Variants in TAFA1 observed in about 807,000 individuals in gnomAD.
TAFA1 encodes the protein TAFA chemokine like family member 1, also known as chemokine-like protein TAFA-1.
A neutral mutation model predicts 18.5 loss-of-function variants in TAFA1; 4 were observed. The observed-to-expected ratio is 0.22, with a 90% CI of 0.11 to 0.49. The LOEUF (loss-of-function observed/expected upper bound fraction) is 0.49. Ranked by LOEUF, TAFA1 falls within the 20% of genes least tolerant of loss-of-function variation. TAFA1 has a pLI of 0.98. For missense variants in TAFA1, 147 were observed against 169.0 expected (o/e 0.87, Z 0.72); for synonymous variants, 56 against 55.2 (o/e 1.01, Z -0.06).
intron 3 of TAFA1, among the ~76,000 whole-genome samples, chr3:68,435,223 T>A (rs2071249641): frequency 6.6e-6 from 1 of 152,074 alleles, no homozygotes; most frequent in Admixed American, 6.6e-5. Flanking sequence ...CAATGGCATG[T>A]GCAAAAGCCC....
At chr3:68,490,510 T>C (rs1019356390) in intron 3 of TAFA1, among the ~76,000 whole-genome samples, 5 of 152,204 alleles carry the variant, frequency 3.3e-5, no homozygotes, top group African/African-American at 1.2e-4. Flanking sequence ...GGGCAAATTT[T>C]CTTTATATGC....
chr3:68,313,125 A>G (rs2106684380), intron 2 of TAFA1, among the ~76,000 whole-genome samples: 1 of 152,306 alleles, frequency 6.6e-6, no homozygotes, highest in Non-Finnish European at 1.5e-5. Context: ...TCCTCCCACA[A>G]CACATGGGAA....
chr3:68,144,589 G>A (rs1219694504), intron 2 of TAFA1, among the ~76,000 whole-genome samples: 1 of 152,208 alleles, frequency 6.6e-6, no homozygotes, highest in Non-Finnish European at 1.5e-5. Context: ...TGTAGCAAAT[G>A]TTTGTTTCCC....
chr3:68,455,677 T>C (rs1575882739), intron 3 of TAFA1, among the ~76,000 whole-genome samples: 1 of 152,228 alleles, frequency 6.6e-6, no homozygotes, highest in Admixed American at 6.5e-5. Flanking sequence ...GCCATATACA[T>C]GATCATTTTC....
intron 2 of TAFA1, among the ~76,000 whole-genome samples, chr3:68,280,618 T>G (rs1328455371): frequency 2.8e-5 from 4 of 142,472 alleles, no homozygotes; most frequent in African/African-American, 1.1e-4. Context: ...GGACTTTTGT[T>G]TTTTTTTTCC....
At position 68,254,105 on chromosome 3, in the gene TAFA1, CTATGTATG is replaced by C. The variant is rs60606466; in HGVS notation, c.119-163151_119-163144del. 2.9e-3 allele frequency among the ~76,000 whole-genome samples: 425 copies of C among 145,190 alleles called. 2 individuals carry two copies. The highest frequency in any genetic ancestry group is 6.8e-3 in the Middle Eastern group (2 of 292). On this transcript the variant is annotated intron_variant, in intron 2 of 4. Transcript: ENST00000478136. ...TCTGCCTGTCTATCTATCTACCTGT[CTATGTATG>C]TATGTATGTATGTATGTATGTATCT...
intron 2 of TAFA1, among the ~76,000 whole-genome samples, chr3:68,277,501 A>G (rs1013812423): frequency 6.6e-6 from 1 of 152,176 alleles, no homozygotes; most frequent in African/African-American, 2.4e-5. Flanking sequence ...GCCAAAGGAA[A>G]AAAAAAGGCA....
In TAFA1 at chr3:68,417,330, C is replaced by T. The variant is rs779006091; in HGVS notation, c.169C>T (p.Arg57Cys). ...AGCACACCGATGTTGTAACAAGAATCGCATTGAGGAGCGGTCACAAACAGT... is the reference window on the plus strand; with the variant it reads ...AGCACACCGATGTTGTAACAAGAATTGCATTGAGGAGCGGTCACAAACAGT... Reference protein sequence around the residue: ...IAAHRCCNKNRIEERSQTVKC... With the variant: ...IAAHRCCNKNCIEERSQTVKC... The change falls in exon 3 of 5, where the codon CGC becomes TGC. Residue 57 changes from arginine to cysteine, a missense_variant. Transcript: ENST00000478136. The T allele has an allele frequency of 1.2e-6, 2 of 1,613,388 alleles. No individual in the cohort carries two copies. The highest frequency in any genetic ancestry group is 1.7e-5 in the Admixed American group (1 of 59,962).
In TAFA1 at chr3:68,071,872, G is replaced by A. The variant is rs7611035; in HGVS notation, c.118+65128G>A. ...GACCAGATCTTAGGAGAACTCACTC[G>A]CTATCACAAAGATAGCACCAAGCCA... is the stretch of plus-strand genomic sequence containing the variant. On this transcript the variant is annotated intron_variant, in intron 2 of 4. Transcript: ENST00000478136. Among the ~76,000 whole-genome samples, 674 of 151,764 alleles carry A rather than the reference G, an allele frequency of 4.4e-3. 2 individuals are homozygous for A. The highest frequency in any genetic ancestry group is 0.016 in the African/African-American group (643 of 41,364).
rs551021916 is a variant in TAFA1 at position 68,097,541 on chromosome 3, CT to C, written c.118+90799del. 1.6e-3 allele frequency among the ~76,000 whole-genome samples: 237 copies of C among 152,130 alleles called. 1 individual carries two copies. Among genetic ancestry groups the C allele is most frequent in the African/African-American group, 5.4e-3 (225 of 41,514 alleles). On this transcript the variant is annotated intron_variant, in intron 2 of 4. Transcript: ENST00000478136. ...GTATTCTGTTGTCTCAAAGCAGTTACTTAGTGTTTTGAATCCATGTCGATTT... is the reference window on the plus strand; with the variant it reads ...GTATTCTGTTGTCTCAAAGCAGTTACTAGTGTTTTGAATCCATGTCGATTT...
intron 2 of TAFA1, among the ~76,000 whole-genome samples, chr3:68,272,612 C>T (rs1362217580): frequency 6.6e-6 from 1 of 152,080 alleles, no homozygotes; most frequent in African/African-American, 2.4e-5. Context: ...ATTAAGAATA[C>T]CAGCAGTTTT....
chr3:68,326,473 C>T (rs142440254), intron 2 of TAFA1, among the ~76,000 whole-genome samples: 1 of 152,302 alleles, frequency 6.6e-6, no homozygotes, highest in Admixed American at 6.5e-5. Flanking sequence ...TTTAAGATAT[C>T]ATATGTTCAC....
intron 2 of TAFA1, among the ~76,000 whole-genome samples, chr3:68,384,519 G>T (rs77834363): frequency 1.3e-4 from 20 of 151,980 alleles, no homozygotes; most frequent in Admixed American, 1.3e-3. Context: ...ATTGTGCTAT[G>T]GTCAGAAAGA....
chr3:68,507,533 C>G (rs1020909714), intron 3 of TAFA1, among the ~76,000 whole-genome samples: 1 of 152,036 alleles, frequency 6.6e-6, no homozygotes. Flanking sequence ...TCTACCTATA[C>G]TTAAGCTGTG....
At chr3:68,062,565 A>G (rs890835991) in intron 2 of TAFA1, among the ~76,000 whole-genome samples, 1 of 152,202 alleles carries the variant, frequency 6.6e-6, no homozygotes, top group Admixed American at 6.5e-5. Context: ...ATGAAAATAA[A>G]ATCAACAAGG....
At chr3:68,255,928 C>G (rs1218494909) in intron 2 of TAFA1, among the ~76,000 whole-genome samples, 4 of 152,024 alleles carry the variant, frequency 2.6e-5, no homozygotes, top group Non-Finnish European at 5.9e-5. Context: ...AATCAATTTA[C>G]TGATAATTTG....
chr3:68,536,587 C>T (rs951237231), intron 3 of TAFA1, among the ~76,000 whole-genome samples: 1 of 152,142 alleles, frequency 6.6e-6, no homozygotes, highest in African/African-American at 2.4e-5. Flanking sequence ...GAAGAGCTAA[C>T]ACAGGGAGGA....
chr3:68,368,574 G>T (rs886174104), intron 2 of TAFA1, among the ~76,000 whole-genome samples: 1 of 7,690 alleles, frequency 1.3e-4, no homozygotes, highest in Non-Finnish European at 2.4e-4. Flanking sequence ...AGGCCATCTT[G>T]AGATTTTTTT....
chr3:68,353,257 A>G (rs1030406105), intron 2 of TAFA1, among the ~76,000 whole-genome samples: 1 of 152,096 alleles, frequency 6.6e-6, no homozygotes, highest in African/African-American at 2.4e-5. Context: ...TCTTTGGACA[A>G]ACAAGGAGTC....
Sources: gnomAD v4.1 joint callset for allele counts (sites outside exome capture counted in the v4.1 genomes callset) on GRCh38, gnomAD v4.1.1 for gene constraint, MANE v1.5 for transcripts, NCBI Gene and HGNC (gene_info 2026-07-23, HGNC 2026-07-21) for gene names.